ZNF423: variants seen among roughly 807,000 people sequenced by gnomAD.
ZNF423 encodes zinc finger protein 423.
A neutral mutation model predicts 95.8 loss-of-function variants in ZNF423; 12 were observed. The ratio of observed to expected loss-of-function variants is 0.13; its 90% CI spans 0.08 to 0.20. The LOEUF (loss-of-function observed/expected upper bound fraction) is 0.20. ZNF423 is among the 10% of genes least tolerant of loss of function. The probability of loss-of-function intolerance (pLI) is 1.00; values close to 1 mark genes in which losing one functional copy is unlikely to be tolerated. For missense variants in ZNF423, 1,316 were observed against 1,737.1 expected (o/e 0.76, Z 4.31); for synonymous variants, 749 against 711.9 (o/e 1.05, Z -0.83).
chr16:49,550,027 C>T (rs1481353378), intron 5 of ZNF423, among the ~76,000 whole-genome samples: 1 of 152,158 alleles, frequency 6.6e-6, no homozygotes, highest in African/African-American at 2.4e-5. Context: ...CACACGCCAC[C>T]ATGCACAGAC....
At chr16:49,511,119 T>G (rs142273496) in intron 7 of ZNF423, among the ~76,000 whole-genome samples, 2 of 152,232 alleles carry the variant, frequency 1.3e-5, no homozygotes, top group Non-Finnish European at 2.9e-5. Flanking sequence ...CGAGGGTATC[T>G]GAGCACAGCT....
intron 1 of ZNF423, among the ~76,000 whole-genome samples, chr16:49,833,616 C>T (rs760266757): frequency 2.8e-5 from 4 of 142,048 alleles, no homozygotes; most frequent in Middle Eastern, 7.0e-3. Context: ...CTCCTTTATT[C>T]GGCAAGACAA....
rs536183415 is a variant in ZNF423, at chr16:49,569,544, G to T, written c.3602-44050C>A. ...TGGCCTCAGCTAGATTACTTTAAGA[G>T]CCTCAGTTTCCTCCTCTGGATGATG... On this transcript the variant is annotated intron_variant, in intron 5 of 7. Transcript: ENST00000563137. Among the ~76,000 whole-genome samples the T allele has an allele frequency of 6.6e-5, 10 of 152,272 alleles. No individual in the cohort carries two copies. In the East Asian group the frequency reaches 7.7e-4, roughly 12 times the overall value.
chr16:49,564,130 A>G (rs1178666373), intron 5 of ZNF423, among the ~76,000 whole-genome samples: 2 of 152,218 alleles, frequency 1.3e-5, no homozygotes, highest in Non-Finnish European at 2.9e-5. Context: ...GTGAGGACAC[A>G]GCAAATTGTT....
At chr16:49,846,114 C>T (rs2035242557) in intron 1 of ZNF423, among the ~76,000 whole-genome samples, 1 of 151,992 alleles carries the variant, frequency 6.6e-6, no homozygotes, top group African/African-American at 2.4e-5. Flanking sequence ...CCAGCCTGGC[C>T]AACATGGTGA....
intron 7 of ZNF423, among the ~76,000 whole-genome samples, chr16:49,502,835 C>T (rs997657302): frequency 2.1e-5 from 3 of 141,882 alleles, no homozygotes; most frequent in African/African-American, 8.1e-5. Context: ...CCGTCATGTG[C>T]CCACCCTCCC....
chr16:49,726,656 G>A (rs571793677), intron 3 of ZNF423, among the ~76,000 whole-genome samples: 83 of 152,056 alleles, frequency 5.5e-4, no homozygotes, highest in African/African-American at 1.9e-3. Context: ...TCCTGACTTG[G>A]TGCCCACAAA....
intron 1 of ZNF423, among the ~76,000 whole-genome samples, chr16:49,832,178 G>C (rs989424082): frequency 2.6e-5 from 4 of 152,126 alleles, no homozygotes; most frequent in African/African-American, 9.7e-5. Context: ...CAGCCCTGAA[G>C]CTTTGTCAAA....
At chr16:49,549,630 C>A (rs1014819600) in intron 5 of ZNF423, among the ~76,000 whole-genome samples, 3 of 152,156 alleles carry the variant, frequency 2.0e-5, no homozygotes, top group African/African-American at 7.2e-5. Context: ...TAACATGGAG[C>A]ATGGATTGTG....
Position 49,495,188 on chromosome 16 carries a change from G to T in ZNF423, c.3850-3884C>A, listed in dbSNP as rs140532126. 4.1e-3 allele frequency among the ~76,000 whole-genome samples: 617 copies of T among 152,304 alleles called. 6 individuals are homozygous for T. The highest frequency in any genetic ancestry group is 0.013 in the African/African-American group (555 of 41,570). On this transcript the variant is annotated intron_variant, in intron 7 of 7. Transcript: ENST00000563137. The stretch of plus-strand genomic sequence containing the variant: ...GGAAAATAAAACGGGAGAGCAGGAG[G>T]GGGTGGGCAGCAATGGTTTGCAGCC...
intron 1 of ZNF423, among the ~76,000 whole-genome samples, chr16:49,834,999 G>A (rs1050113438): frequency 9.9e-5 from 15 of 152,048 alleles, no homozygotes; most frequent in African/African-American, 3.6e-4. Flanking sequence ...GGGGGCCAGG[G>A]CTGAGCGGCA....
chr16:49,599,112 CAG>C (rs1364621252), intron 5 of ZNF423, among the ~76,000 whole-genome samples: 6 of 152,214 alleles, frequency 3.9e-5, no homozygotes, highest in Admixed American at 3.9e-4. Flanking sequence ...TAGACACACA[CAG>C]ACATGCACAC....
rs184046076 is a variant in ZNF423, at chr16:49,493,436, G to A, written c.3850-2132C>T. On this transcript the variant is annotated intron_variant, in intron 7 of 7. Transcript: ENST00000563137. ...TTTCTCAGGACCCAGGGCTGGGCAT[G>A]CACTGTCCTGACCATACGCCTGGGC... Among the ~76,000 whole-genome samples, 242 of 152,328 alleles carry A rather than the reference G, an allele frequency of 1.6e-3. 1 individual carries two copies. The highest frequency in any genetic ancestry group is 2.4e-4 in the Non-Finnish European group (16 of 68,038).
At chr16:49,800,147 G>C (rs1231619962) in intron 1 of ZNF423, among the ~76,000 whole-genome samples, 1 of 151,960 alleles carries the variant, frequency 6.6e-6, no homozygotes, top group Non-Finnish European at 1.5e-5. Flanking sequence ...GAAAGGCTGA[G>C]ATATGAGATG....
upstream of ZNF423, chr16:49,857,813 G>A (rs1166286242): frequency 6.6e-6 from 1 of 152,310 alleles, no homozygotes; most frequent in South Asian, 2.1e-4. The surrounding 1 kb of genome is among the most constrained non-coding windows in gnomAD (Gnocchi z 6.2). Flanking sequence ...TACTTTCTGC[G>A]AGGTTTTACC....
intron 1 of ZNF423, among the ~76,000 whole-genome samples, chr16:49,813,207 C>T (rs1432107155): frequency 6.6e-6 from 1 of 152,094 alleles, no homozygotes; most frequent in East Asian, 1.9e-4. Flanking sequence ...ACCCTGGTGC[C>T]CTACAGGTCT....
At chr16:49,815,912 A>ATT (rs1335669959) in intron 1 of ZNF423, among the ~76,000 whole-genome samples, 63 of 36,708 alleles carry the variant, frequency 1.7e-3, no homozygotes, top group South Asian at 4.5e-3. Context: ...ATATATATAT[A>ATT]TATTTTTTTT....
intron 1 of ZNF423, among the ~76,000 whole-genome samples, chr16:49,834,441 T>C (rs1042105888): frequency 6.6e-6 from 1 of 152,134 alleles, no homozygotes; most frequent in African/African-American, 2.4e-5. Context: ...GTCACACAGA[T>C]AAACAGCAGA....
chr16:49,544,713 G>A (rs1237163160), intron 5 of ZNF423, among the ~76,000 whole-genome samples: 1 of 152,250 alleles, frequency 6.6e-6, no homozygotes, highest in Non-Finnish European at 1.5e-5. Flanking sequence ...GCTTGGGAGG[G>A]TTTTCCTCAC....
Sources: allele counts gnomAD v4.1 joint callset (sites outside exome capture counted in the v4.1 genomes callset), GRCh38; gene constraint gnomAD v4.1.1; non-coding constraint Gnocchi (gnomAD v3.1); transcripts MANE v1.5; gene names NCBI Gene and HGNC (gene_info 2026-07-23, HGNC 2026-07-21).